Variants in GPC5 observed in about 807,000 individuals in gnomAD.
GPC5 encodes the protein glypican 5, also known as glypican-5.
GPC5 carries 47 observed loss-of-function variants against 53.9 expected under a neutral mutation model. The observed-to-expected ratio is 0.87, with a 90% CI of 0.69 to 1.11. The LOEUF is 1.11. GPC5 is among the 50% of genes most tolerant of loss of function. The pLI, the probability that GPC5 is intolerant of heterozygous loss-of-function variation, is 0.00. For missense variants in GPC5, 748 were observed against 713.1 expected (o/e 1.05, Z -0.56); for synonymous variants, 286 against 263.3 (o/e 1.09, Z -0.84).
intron 3 of GPC5, among the ~76,000 whole-genome samples, chr13:91,707,175 A>C (rs915680889): frequency 1.3e-5 from 2 of 152,086 alleles, no homozygotes; most frequent in African/African-American, 4.8e-5. Flanking sequence ...AACCCAGCAG[A>C]AGATGGGCAT....
chr13:92,851,835 C>A (rs1878814935), intron 7 of GPC5, among the ~76,000 whole-genome samples: 1 of 148,032 alleles, frequency 6.8e-6, no homozygotes, highest in African/African-American at 2.5e-5. Flanking sequence ...TTGCAGTGAG[C>A]CAAGATGGCC....
At chr13:91,746,923 C>G (rs2037062341) in intron 4 of GPC5, among the ~76,000 whole-genome samples, 1 of 152,056 alleles carries the variant, frequency 6.6e-6, no homozygotes, top group South Asian at 2.1e-4. Flanking sequence ...TTTTGTGAAA[C>G]CAAACCATCT....
intron 7 of GPC5, among the ~76,000 whole-genome samples, chr13:92,816,529 T>C (rs1877482977): frequency 6.6e-6 from 1 of 152,100 alleles, no homozygotes; most frequent in South Asian, 2.1e-4. Context: ...TCTGTCATGA[T>C]CTGAGACTCT....
intron 7 of GPC5, among the ~76,000 whole-genome samples, chr13:92,279,917 T>C (rs906398343): frequency 1.8e-4 from 27 of 152,104 alleles, no homozygotes; most frequent in Admixed American, 1.5e-3. Context: ...TCTGGCTTCA[T>C]AGAACGTGTT....
chr13:91,911,940 A>G (rs2039614285), intron 6 of GPC5, among the ~76,000 whole-genome samples: 1 of 152,134 alleles, frequency 6.6e-6, no homozygotes, highest in African/African-American at 2.4e-5. Context: ...GTTAAATGTG[A>G]GATGCTTATT....
At chr13:92,685,131 C>G (rs919657600) in intron 7 of GPC5, among the ~76,000 whole-genome samples, 8 of 150,344 alleles carry the variant, frequency 5.3e-5, no homozygotes, top group African/African-American at 2.0e-4. Flanking sequence ...CACTCTGTCA[C>G]CCATGCTAGA....
chr13:92,092,020 T>G (rs4773666), intron 6 of GPC5, among the ~76,000 whole-genome samples: 69,424 of 152,002 alleles, frequency 0.46, 16,645 homozygotes, highest in East Asian at 0.79. Flanking sequence ...TATCTATCTA[T>G]CTAGCTAGCT....
At chr13:92,440,977 G>A (rs1877530189) in intron 7 of GPC5, among the ~76,000 whole-genome samples, 1 of 152,146 alleles carries the variant, frequency 6.6e-6, no homozygotes, top group Non-Finnish European at 1.5e-5. Flanking sequence ...GCAGAGTGTG[G>A]GAGTATTTTC....
At chr13:92,585,048 T>C (rs1019090251) in intron 7 of GPC5, among the ~76,000 whole-genome samples, 1 of 152,038 alleles carries the variant, frequency 6.6e-6, no homozygotes, top group Non-Finnish European at 1.5e-5. Context: ...GAACTTCCGC[T>C]AGAGCAGTGT....
chr13:92,862,815 A>G (rs903736596), intron 7 of GPC5, among the ~76,000 whole-genome samples: 4 of 152,192 alleles, frequency 2.6e-5, no homozygotes, highest in African/African-American at 4.8e-5. Flanking sequence ...TGTCCATGCA[A>G]TTTTATTAAA....
At chr13:92,098,739 AT>A (rs2041441386) in intron 6 of GPC5, among the ~76,000 whole-genome samples, 1 of 152,190 alleles carries the variant, frequency 6.6e-6, no homozygotes, top group Non-Finnish European at 1.5e-5. Context: ...GTCCAACGTA[AT>A]CACAAGGGTC....
At chr13:92,175,044 G>T (rs961596659) in intron 7 of GPC5, among the ~76,000 whole-genome samples, 11 of 152,088 alleles carry the variant, frequency 7.2e-5, no homozygotes, top group Non-Finnish European at 1.5e-4. Flanking sequence ...GTAGAGACGG[G>T]GTTTCTCCAT....
At chr13:92,051,761 C>G (rs1335132876) in intron 6 of GPC5, among the ~76,000 whole-genome samples, 1 of 152,194 alleles carries the variant, frequency 6.6e-6, no homozygotes. Context: ...CAGAGCCCCT[C>G]TCATATAAAA....
At chr13:92,288,725 T>G (rs369875931) in intron 7 of GPC5, among the ~76,000 whole-genome samples, 3 of 152,298 alleles carry the variant, frequency 2.0e-5, no homozygotes, top group African/African-American at 7.2e-5. Flanking sequence ...TGTGATACCA[T>G]TCTGCCAAAA....
At chr13:92,328,146 A>G (rs981800605) in intron 7 of GPC5, among the ~76,000 whole-genome samples, 27 of 152,286 alleles carry the variant, frequency 1.8e-4, no homozygotes, top group African/African-American at 6.3e-4. Context: ...AGGAAATAGG[A>G]CTTTTTCACT....
chr13:91,896,266 C>T (rs2039441391), intron 5 of GPC5, among the ~76,000 whole-genome samples: 1 of 151,888 alleles, frequency 6.6e-6, no homozygotes, highest in Non-Finnish European at 1.5e-5. Flanking sequence ...ACTACAGGCA[C>T]GTGCCACCAA....
intron 2 of GPC5, among the ~76,000 whole-genome samples, chr13:91,634,771 G>A (rs1182206775): frequency 6.6e-6 from 1 of 152,010 alleles, no homozygotes; most frequent in African/African-American, 2.4e-5. Context: ...ATGTTGAAAA[G>A]TAGCATAGGA....
chr13:92,666,132 T>C (rs764864031), intron 7 of GPC5, among the ~76,000 whole-genome samples: 2 of 152,204 alleles, frequency 1.3e-5, no homozygotes, highest in Non-Finnish European at 2.9e-5. Context: ...ACTTTATCCA[T>C]CTACTTCTAG....
intron 7 of GPC5, among the ~76,000 whole-genome samples, chr13:92,696,157 T>A (rs1331245484): frequency 6.6e-6 from 1 of 152,204 alleles, no homozygotes; most frequent in East Asian, 1.9e-4. Context: ...ACAATTAACA[T>A]ACGTGTGCAT....
Sources: allele counts gnomAD v4.1 joint callset (sites outside exome capture counted in the v4.1 genomes callset), GRCh38; gene constraint gnomAD v4.1.1; transcripts MANE v1.5; gene names NCBI Gene and HGNC (gene_info 2026-07-23, HGNC 2026-07-21).